Variants in IRGM observed in about 807,000 individuals in gnomAD.
The protein encoded by IRGM is immunity related GTPase M.
For missense variants in IRGM, 288 were observed against 219.9 expected (o/e 1.31, Z -1.96); for synonymous variants, 98 against 80.6 (o/e 1.22, Z -1.16).
intron 3 of IRGM, among the ~76,000 whole-genome samples, chr5:150,887,305 A>G (rs539347397): frequency 3.2e-4 from 48 of 152,194 alleles, no homozygotes; most frequent in African/African-American, 1.2e-3. Flanking sequence ...AATCACAAGT[A>G]ATAACAACAG....
At chr5:150,875,071 T>C (rs2113281230) in intron 1 of IRGM, among the ~76,000 whole-genome samples, 1 of 152,348 alleles carries the variant, frequency 6.6e-6, no homozygotes, top group East Asian at 1.9e-4. Flanking sequence ...GTAAGTTACA[T>C]GAGGAAGTGG....
chr5:150,880,634 C>G (rs1754430401), intron 3 of IRGM, among the ~76,000 whole-genome samples: 1 of 152,130 alleles, frequency 6.6e-6, no homozygotes, highest in Non-Finnish European at 1.5e-5. Flanking sequence ...TGGGAACCCG[C>G]TTTTAAGTTG....
At chr5:150,896,859 A>T in intron 3 of IRGM, 1 of 1,613,700 alleles carries the variant, frequency 6.2e-7, no homozygotes, top group East Asian at 2.2e-5. Flanking sequence ...ACCTTGACAG[A>T]CTTTTAAAAT....
intron 1 of IRGM, among the ~76,000 whole-genome samples, chr5:150,860,824 A>T (rs1179892162): frequency 6.6e-6 from 1 of 152,086 alleles, no homozygotes; most frequent in Non-Finnish European, 1.5e-5. Context: ...TGGACTTTTT[A>T]TGTTAACTTA....
At chr5:150,890,792 T>C (rs1173172200) in intron 3 of IRGM, among the ~76,000 whole-genome samples, 2 of 152,090 alleles carry the variant, frequency 1.3e-5, no homozygotes, top group Non-Finnish European at 2.9e-5. Flanking sequence ...TTATTTCTAA[T>C]GTAATTGATT....
chr5:150,892,952 CTTT>C (rs1486533277), intron 3 of IRGM, among the ~76,000 whole-genome samples: 2 of 151,940 alleles, frequency 1.3e-5, no homozygotes, highest in Non-Finnish European at 2.9e-5. Context: ...TCTTCATCTT[CTTT>C]TATTTTTATC....
At chr5:150,888,161 A>G (rs1754553987) in intron 3 of IRGM, among the ~76,000 whole-genome samples, 2 of 152,040 alleles carry the variant, frequency 1.3e-5, no homozygotes, top group Admixed American at 1.3e-4. Flanking sequence ...TTCAGACAAG[A>G]AAAAACAAAC....
chr5:150,853,414 T>C (rs1346070402), downstream of IRGM, among the ~76,000 whole-genome samples: 1 of 152,146 alleles, frequency 6.6e-6, no homozygotes, highest in Non-Finnish European at 1.5e-5. Context: ...TGGAATCTTG[T>C]TGGGTGAAGT....
chr5:150,874,404 C>T (rs182807146), intron 1 of IRGM, among the ~76,000 whole-genome samples: 3 of 152,278 alleles, frequency 2.0e-5, no homozygotes, highest in Non-Finnish European at 4.4e-5. Flanking sequence ...ATTCAGGGAC[C>T]TTCTACCTCA....
chr5:150,849,501 A>G (rs1753940188), downstream of IRGM, among the ~76,000 whole-genome samples: 1 of 152,070 alleles, frequency 6.6e-6, no homozygotes, highest in Non-Finnish European at 1.5e-5. Context: ...CAATAATTAT[A>G]TTTAGTGTTA....
intron 1 of IRGM, among the ~76,000 whole-genome samples, chr5:150,874,939 T>C (rs1000831269): frequency 6.6e-6 from 1 of 152,200 alleles, no homozygotes; most frequent in Non-Finnish European, 1.5e-5. Flanking sequence ...CTGAACTGTC[T>C]ATCATGAACT....
intron 3 of IRGM, among the ~76,000 whole-genome samples, chr5:150,890,414 C>G (rs1232509653): frequency 2.0e-5 from 3 of 149,916 alleles, no homozygotes; most frequent in Non-Finnish European, 4.4e-5. Flanking sequence ...TTTCCTGAGT[C>G]TGACATATCT....
downstream of IRGM, among the ~76,000 whole-genome samples, chr5:150,850,568 C>A (rs1753960172): frequency 6.6e-6 from 1 of 151,816 alleles, no homozygotes; most frequent in African/African-American, 2.4e-5. Context: ...TATTATGTAC[C>A]CCCCTTTTTT....
intron 3 of IRGM, chr5:150,898,024 C>A (rs756820754): frequency 1.9e-6 from 3 of 1,594,452 alleles, no homozygotes; most frequent in South Asian, 2.3e-5. Flanking sequence ...CCTCAGGCAC[C>A]AATCAATTAA....
At chr5:150,851,677 G>A (rs184396070), downstream of IRGM, among the ~76,000 whole-genome samples, 7 of 152,242 alleles carry the variant, frequency 4.6e-5, no homozygotes, top group Admixed American at 3.3e-4. Flanking sequence ...CACTTCATCC[G>A]TGTCTTCACA....
intron 1 of IRGM, among the ~76,000 whole-genome samples, chr5:150,866,064 T>A (rs1260564661): frequency 6.6e-6 from 1 of 152,218 alleles, no homozygotes; most frequent in Non-Finnish European, 1.5e-5. Context: ...GCCAAGGATG[T>A]CTTTTTAACT....
At chr5:150,853,120 G>A (rs550780339), downstream of IRGM, among the ~76,000 whole-genome samples, 7 of 151,968 alleles carry the variant, frequency 4.6e-5, no homozygotes, top group South Asian at 1.2e-3. Flanking sequence ...CTTTTACAGC[G>A]TCCCATTAGT....
intron 3 of IRGM, among the ~76,000 whole-genome samples, chr5:150,882,232 A>C (rs1420337936): frequency 6.6e-6 from 1 of 151,476 alleles, no homozygotes; most frequent in Non-Finnish European, 1.5e-5. Flanking sequence ...AAAAAGAAAA[A>C]AAAAAGAAAA....
intron 3 of IRGM, among the ~76,000 whole-genome samples, chr5:150,886,964 C>G (rs574973645): frequency 6.6e-6 from 1 of 151,788 alleles, no homozygotes; most frequent in Non-Finnish European, 1.5e-5. Context: ...TGGATTTGTT[C>G]TTGCTTCTCT....
Sources: allele counts gnomAD v4.1 joint callset (sites outside exome capture counted in the v4.1 genomes callset), GRCh38; gene constraint gnomAD v4.1.1; transcripts MANE v1.5; gene names NCBI Gene and HGNC (gene_info 2026-07-23, HGNC 2026-07-21).